SEMA6D: variants seen among roughly 807,000 people sequenced by gnomAD.
SEMA6D encodes semaphorin 6D.
In SEMA6D, 35 loss-of-function variants were observed where a neutral mutation model predicts 106.6. That is an observed-to-expected ratio of 0.33 (90% CI 0.25 to 0.44). The LOEUF is 0.44. Ranked by LOEUF, SEMA6D falls within the 20% of genes least tolerant of loss-of-function variation. The pLI is 1.00. For missense variants in SEMA6D, 1,185 were observed against 1,345.9 expected (o/e 0.88, Z 1.87); for synonymous variants, 499 against 487.7 (o/e 1.02, Z -0.31).
At chr15:47,615,666 G>A (rs28660705) in intron 4 of SEMA6D, among the ~76,000 whole-genome samples, 17,603 of 152,106 alleles carry the variant, frequency 0.12, 1,842 homozygotes, top group African/African-American at 0.28. Context: ...AGTTGGCTTC[G>A]GGACCTTTTA....
chr15:47,767,787 G>A (rs986524038), intron 17 of SEMA6D, among the ~76,000 whole-genome samples: 2 of 152,198 alleles, frequency 1.3e-5, no homozygotes, highest in African/African-American at 4.8e-5. Context: ...ATCAGTACTA[G>A]ACATGCTAAA....
At chr15:47,557,087 G>T (rs987078720) in intron 3 of SEMA6D, among the ~76,000 whole-genome samples, 2 of 152,112 alleles carry the variant, frequency 1.3e-5, no homozygotes, top group African/African-American at 4.8e-5. Context: ...AGTAAAAGCA[G>T]TTATCATTAC....
chr15:47,246,188 C>T (rs184609142), intron 1 of SEMA6D, among the ~76,000 whole-genome samples: 293 of 152,240 alleles, frequency 1.9e-3, no homozygotes, highest in Middle Eastern at 0.01. Context: ...GAGGTGTTGG[C>T]TGCATTAAGT....
chr15:47,519,115 A>G (rs2044486782), intron 3 of SEMA6D, among the ~76,000 whole-genome samples: 1 of 152,134 alleles, frequency 6.6e-6, no homozygotes, highest in Admixed American at 6.6e-5. Flanking sequence ...AACAATAAAT[A>G]AATAAATAAA....
chr15:47,227,429 C>CTTTCTT (rs1555407180), intron 1 of SEMA6D, among the ~76,000 whole-genome samples: 10 of 145,614 alleles, frequency 6.9e-5, no homozygotes, highest in Non-Finnish European at 1.2e-4. Context: ...CTCTTTCTTT[C>CTTTCTT]TTTCTTTCTT....
At chr15:47,305,907 G>A (rs1267997194) in intron 1 of SEMA6D, among the ~76,000 whole-genome samples, 1 of 152,178 alleles carries the variant, frequency 6.6e-6, no homozygotes, top group Non-Finnish European at 1.5e-5. Flanking sequence ...CTCAGTGCTA[G>A]CACCTGCTAT....
chr15:47,431,070 T>A (rs1342855539), intron 2 of SEMA6D, among the ~76,000 whole-genome samples: 1 of 152,110 alleles, frequency 6.6e-6, no homozygotes, highest in Non-Finnish European at 1.5e-5. Context: ...TCAAATAAGA[T>A]TTTTTTCTCA....
rs2039422655 is a variant in SEMA6D, at chr15:47,375,634, C to CA, written c.-238-36753dup. Among the ~76,000 whole-genome samples, 8 of 152,144 alleles carry CA rather than the reference C, an allele frequency of 5.3e-5. No individual in the cohort carries two copies. In the South Asian group the frequency reaches 1.7e-3, roughly 32 times the overall value. On this transcript the variant is annotated intron_variant, in intron 1 of 19. Coordinates refer to the SEMA6D transcript ENST00000558014. ...CAAACTCAGTTTTCCAGGATTTTAGCAAAAAATTCATCTATTGACCCAGTT... is the reference window on the plus strand; with the variant it reads ...CAAACTCAGTTTTCCAGGATTTTAGCAAAAAAATTCATCTATTGACCCAGTT...
At chr15:47,285,819 C>G (rs541321294) in intron 1 of SEMA6D, among the ~76,000 whole-genome samples, 1 of 152,292 alleles carries the variant, frequency 6.6e-6, no homozygotes. Flanking sequence ...TCTCTAGTCT[C>G]ATTTCTATCC....
chr15:47,269,152 G>A (rs2034451173), intron 1 of SEMA6D, among the ~76,000 whole-genome samples: 1 of 151,934 alleles, frequency 6.6e-6, no homozygotes, highest in African/African-American at 2.4e-5. Context: ...TTAAATGTTA[G>A]TTTACTCAAG....
intron 3 of SEMA6D, among the ~76,000 whole-genome samples, chr15:47,554,509 T>C (rs2045860119): frequency 6.6e-6 from 1 of 152,258 alleles, no homozygotes; most frequent in Admixed American, 6.5e-5. Context: ...CAGATGATCC[T>C]GGCCTTCCAT....
chr15:47,702,439 C>T (rs2078830827), intron 4 of SEMA6D, among the ~76,000 whole-genome samples: 1 of 152,194 alleles, frequency 6.6e-6, no homozygotes, highest in Non-Finnish European at 1.5e-5. Flanking sequence ...ATGGTACAGC[C>T]ACTTTGGAAA....
intron 1 of SEMA6D, among the ~76,000 whole-genome samples, chr15:47,301,618 T>TA (rs559553999): frequency 2.6e-5 from 4 of 152,238 alleles, no homozygotes; most frequent in Admixed American, 6.5e-5. Context: ...TTGCTGCCTT[T>TA]AGCAGGAAGC....
chr15:47,471,910 C>CTT (rs1380355329), intron 3 of SEMA6D, among the ~76,000 whole-genome samples: 2 of 126,918 alleles, frequency 1.6e-5, no homozygotes, highest in African/African-American at 6.8e-5. Context: ...CTCTTTCTCT[C>CTT]TCTCTCTCTC....
chr15:47,645,084 G>C (rs1184962945), intron 4 of SEMA6D, among the ~76,000 whole-genome samples: 1 of 152,218 alleles, frequency 6.6e-6, no homozygotes, highest in African/African-American at 2.4e-5. Context: ...CCAGGAAAGA[G>C]AGCATGTGGG....
chr15:47,199,108 C>T (rs4774489), intron 1 of SEMA6D, among the ~76,000 whole-genome samples: 58,894 of 151,682 alleles, frequency 0.39, 11,894 homozygotes, highest in Middle Eastern at 0.52. Context: ...TATGTAAGTC[C>T]ACTTGTTTGT....
intron 1 of SEMA6D, among the ~76,000 whole-genome samples, chr15:47,758,471 G>T (rs1415027283): frequency 6.6e-6 from 1 of 152,062 alleles, no homozygotes; most frequent in African/African-American, 2.4e-5. Context: ...TTGCAAAGTA[G>T]AACACTTACA....
At chr15:47,427,604 A>T (rs1033846290) in intron 2 of SEMA6D, among the ~76,000 whole-genome samples, 4 of 152,182 alleles carry the variant, frequency 2.6e-5, no homozygotes, top group African/African-American at 9.6e-5. Flanking sequence ...TGGGTGTGAC[A>T]TTACAAATAT....
chr15:47,721,145 G>A (rs73394827), intron 1 of SEMA6D, among the ~76,000 whole-genome samples: 451 of 152,290 alleles, frequency 3.0e-3, no homozygotes, highest in African/African-American at 0.01. Flanking sequence ...ATTTTCAATA[G>A]AGCAAAAATA....
Sources: allele counts gnomAD v4.1 joint callset (sites outside exome capture counted in the v4.1 genomes callset), GRCh38; gene constraint gnomAD v4.1.1; transcripts MANE v1.5; gene names NCBI Gene and HGNC (gene_info 2026-07-23, HGNC 2026-07-21).